The following MAGI1 variants were observed in gnomAD, a reference collection of about 807,000 sequenced individuals.
The protein encoded by MAGI1 is membrane-associated guanylate kinase, WW and PDZ domain-containing protein 1.
A neutral mutation model predicts 139.9 loss-of-function variants in MAGI1; 58 were observed. The ratio of observed to expected loss-of-function variants is 0.41; its 90% CI spans 0.34 to 0.52. MAGI1 has a LOEUF of 0.52. Ranked by LOEUF, MAGI1 falls within the 20% of genes least tolerant of loss-of-function variation. The pLI is 0.12. For synonymous variants in MAGI1, 812 were observed against 737.9 expected, an observed-to-expected ratio of 1.10 and a Z score of -1.63; for missense variants, 1,874 against 1,901.6, an observed-to-expected ratio of 0.99 and a Z score of 0.27.
rs1023523482 is a variant in MAGI1, at chr3:65,722,301, C to T, written c.314-100213G>A. Among the ~76,000 whole-genome samples the T allele has an allele frequency of 4.6e-5, 7 of 152,082 alleles. 1 individual carries two copies. Among genetic ancestry groups the T allele is most frequent in the Admixed American group, 2.6e-4 (4 of 15,266 alleles). The stretch of plus-strand genomic sequence containing the variant: ...AAATGACCTAGTGAATGGGAAAACT[C>T]TGGGAAACAGATGAGAAGCCGGACA... On this transcript the variant is annotated intron_variant, in intron 1 of 22. Transcript: ENST00000402939.
chr3:65,394,754 T>A (rs1025783828), intron 13 of MAGI1, among the ~76,000 whole-genome samples: 6 of 152,108 alleles, frequency 3.9e-5, no homozygotes, highest in African/African-American at 1.4e-4. Context: ...AGCCCAGAAC[T>A]GTCCAGGAGA....
chr3:65,433,381 T>C (rs1947603907), intron 10 of MAGI1, among the ~76,000 whole-genome samples: 2 of 152,146 alleles, frequency 1.3e-5, no homozygotes, highest in Non-Finnish European at 2.9e-5. Context: ...AATAAAGACA[T>C]GAGCAGAGCT....
intron 1 of MAGI1, among the ~76,000 whole-genome samples, chr3:65,888,881 C>G (rs1410414276): frequency 6.6e-6 from 1 of 151,578 alleles, no homozygotes; most frequent in Non-Finnish European, 1.5e-5. Flanking sequence ...CAGAAATTAT[C>G]TGTGCGCTAA....
At chr3:65,772,101 C>T (rs1348950749) in intron 1 of MAGI1, among the ~76,000 whole-genome samples, 1 of 151,992 alleles carries the variant, frequency 6.6e-6, no homozygotes, top group Non-Finnish European at 1.5e-5. Context: ...GAGGGTGAGG[C>T]AGGAGAATCG....
At chr3:65,536,313 G>A (rs191254206) in intron 2 of MAGI1, among the ~76,000 whole-genome samples, 116 of 152,084 alleles carry the variant, frequency 7.6e-4, no homozygotes, top group Non-Finnish European at 7.4e-4. Flanking sequence ...TTCCCATATC[G>A]GAAGGTCTCA....
At position 65,736,957 on chromosome 3, in the gene MAGI1, C is replaced by T. The variant is rs1025150171; in HGVS notation, c.314-114869G>A. On this transcript the variant is annotated intron_variant, in intron 1 of 22. Coordinates refer to ENST00000402939, the MANE Select transcript of MAGI1 (RefSeq NM_001033057.2). ...TAGAATACCACAAACACCTTTGTGC[C>T]CACCAGCCAGAACTGATTGTTAATA... is the stretch of plus-strand genomic sequence containing the variant. 1.6e-4 allele frequency among the ~76,000 whole-genome samples: 25 copies of T among 152,274 alleles called. No individual in the cohort carries two copies. In the South Asian group the frequency reaches 4.6e-3, roughly 28 times the overall value.
chr3:65,589,416 G>A (rs2081855713), intron 2 of MAGI1, among the ~76,000 whole-genome samples: 1 of 151,944 alleles, frequency 6.6e-6, no homozygotes, highest in Non-Finnish European at 1.5e-5. Flanking sequence ...TGTCATCTTG[G>A]ACCTCTTCCT....
intron 1 of MAGI1, among the ~76,000 whole-genome samples, chr3:65,727,076 A>G (rs1172155110): frequency 6.6e-6 from 1 of 152,166 alleles, no homozygotes; most frequent in African/African-American, 2.4e-5. Flanking sequence ...AAAACAAAAT[A>G]TATGGGATGG....
chr3:65,602,888 C>T (rs1031153758), intron 2 of MAGI1, among the ~76,000 whole-genome samples: 1 of 151,658 alleles, frequency 6.6e-6, no homozygotes, highest in Admixed American at 6.6e-5. Context: ...ATATGATCAA[C>T]CTTAGGAGCA....
chr3:65,430,672 A>T (rs1439318370), intron 11 of MAGI1, 27 bp downstream of exon 11: 1 of 1,608,458 alleles, frequency 6.2e-7, no homozygotes, highest in African/African-American at 1.3e-5. Context: ...CACCACACAG[A>T]ACACACTAAG....
chr3:65,692,880 T>C (rs1311590129), intron 1 of MAGI1, among the ~76,000 whole-genome samples: 1 of 152,172 alleles, frequency 6.6e-6, no homozygotes, highest in African/African-American at 2.4e-5. Context: ...AATGGGGTCC[T>C]AGACCTTGGC....
intron 1 of MAGI1, among the ~76,000 whole-genome samples, chr3:65,698,831 C>T (rs1166100789): frequency 6.4e-5 from 9 of 139,788 alleles, no homozygotes; most frequent in African/African-American, 2.5e-4. Context: ...GACTTCATGT[C>T]CAAAACACCA....
intron 2 of MAGI1, among the ~76,000 whole-genome samples, chr3:65,497,093 T>A (rs1476781814): frequency 1.3e-5 from 2 of 151,802 alleles, no homozygotes; most frequent in Admixed American, 6.6e-5. Context: ...GAGCAGAGAG[T>A]TGGAGCACAG....
intron 1 of MAGI1, among the ~76,000 whole-genome samples, chr3:65,878,515 CAAAA>C (rs35158287): frequency 1.2e-5 from 1 of 81,244 alleles, no homozygotes. Flanking sequence ...GACTCAGTCT[CAAAA>C]AAAAAAAAAA....
At chr3:65,917,347 G>A (rs2061953412) in intron 1 of MAGI1, among the ~76,000 whole-genome samples, 1 of 152,208 alleles carries the variant, frequency 6.6e-6, no homozygotes, top group Non-Finnish European at 1.5e-5. Context: ...CTCACTGCTG[G>A]TGGGAATGCA....
At chr3:65,663,671 G>A (rs2086332218) in intron 1 of MAGI1, among the ~76,000 whole-genome samples, 1 of 152,148 alleles carries the variant, frequency 6.6e-6, no homozygotes, top group Non-Finnish European at 1.5e-5. Context: ...GGCAGCCCTT[G>A]GGGAGCCTTC....
At chr3:65,479,170 A>C (rs149827754) in intron 3 of MAGI1, among the ~76,000 whole-genome samples, 2,763 of 152,344 alleles carry the variant, frequency 0.018, 41 homozygotes, top group Non-Finnish European at 0.029. Context: ...ACAGAAGATT[A>C]AAAAATTCAT....
chr3:65,976,699 T>C (rs938666911), intron 1 of MAGI1, among the ~76,000 whole-genome samples: 1 of 152,216 alleles, frequency 6.6e-6, no homozygotes, highest in East Asian at 1.9e-4. Flanking sequence ...TTGATCATGT[T>C]CTGGAGTTAA....
At chr3:65,570,969 A>T (rs894062781) in intron 2 of MAGI1, among the ~76,000 whole-genome samples, 5 of 152,220 alleles carry the variant, frequency 3.3e-5, no homozygotes, top group Admixed American at 3.3e-4. Context: ...GTATCTGTAG[A>T]AACGGAGGCT....
Sources: gnomAD v4.1 joint callset for allele counts (sites outside exome capture counted in the v4.1 genomes callset) on GRCh38, gnomAD v4.1.1 for gene constraint, MANE v1.5 for transcripts, NCBI Gene and HGNC (gene_info 2026-07-23, HGNC 2026-07-21) for gene names.